The following RIPK2 variants were observed in gnomAD, a reference collection of about 807,000 sequenced individuals.
The protein encoded by RIPK2 is receptor interacting serine/threonine kinase 2.
In RIPK2, 38 loss-of-function variants were observed where a neutral mutation model predicts 60.9. The observed-to-expected ratio is 0.62, with a 90% CI of 0.48 to 0.82. The LOEUF is 0.82. Among genes scored for constraint, RIPK2 ranks in the 40% least tolerant of loss-of-function variants. The pLI is 0.00. For missense variants in RIPK2, 518 were observed against 647.0 expected, an observed-to-expected ratio of 0.80 and a Z score of 2.16; for synonymous variants, 225 against 223.4, an observed-to-expected ratio of 1.01 and a Z score of -0.06.
At chr8:89,761,495 T>TA (rs1809144246) in intron 1 of RIPK2, among the ~76,000 whole-genome samples, 2 of 152,172 alleles carry the variant, frequency 1.3e-5, no homozygotes, top group African/African-American at 4.8e-5. Flanking sequence ...TAACTGGTAT[T>TA]AAAATCTCCT....
At chr8:89,768,462 A>T (rs977247515) in intron 3 of RIPK2, among the ~76,000 whole-genome samples, 2 of 151,702 alleles carry the variant, frequency 1.3e-5, no homozygotes, top group African/African-American at 4.8e-5. Context: ...TGGCCATAAG[A>T]ACCTTCATCT....
At chr8:89,777,859 C>G (rs1809425001) in intron 6 of RIPK2, among the ~76,000 whole-genome samples, 1 of 151,424 alleles carries the variant, frequency 6.6e-6, no homozygotes, top group South Asian at 2.1e-4. Context: ...TGTTGAAAAG[C>G]AGATTCTGGG....
chr8:89,772,767 T>C lies in RIPK2; in HGVS notation c.792T>C (p.Arg264=). 1 of 1,612,176 alleles carries C rather than the reference T, an allele frequency of 6.2e-7. No individual in the cohort carries two copies. Among genetic ancestry groups the C allele is most frequent in the Non-Finnish European group, 8.5e-7 (1 of 1,178,766 alleles). The change falls in exon 6 of 11, where the codon CGT becomes CGC. Residue 264 remains arginine (R), a synonymous_variant. Coordinates refer to ENST00000220751, the MANE Select transcript of RIPK2 (RefSeq NM_003821.6). ...CATATGATATACCTCACCGAGCACG[T>C]ATGATCTCTCTAATAGAAAGTGGAT... ...SLPYDIPHRA[R]MISLIESGWA...
chr8:89,781,928 T>C (rs1328917934), intron 7 of RIPK2, among the ~76,000 whole-genome samples: 3 of 152,076 alleles, frequency 2.0e-5, no homozygotes, highest in African/African-American at 7.2e-5. Flanking sequence ...GTAGTAAGAG[T>C]TGACTTAATT....
Position 89,780,175 on chromosome 8 carries a change from G to C in RIPK2, c.939+15G>C. 1.6e-6 allele frequency: 2 copies of C among 1,282,568 alleles called. No homozygotes were observed. Among genetic ancestry groups the C allele is most frequent in the East Asian group, 2.4e-5 (1 of 42,078 alleles). 79.4% of individuals were successfully genotyped at this position (1,282,568 alleles called of 1,614,324 possible). A position where few individuals can be genotyped will look rare whatever the true frequency, so the allele number is the denominator to read the frequency against. ...AGAAAACAAAGGTAAGTTGCTAAAT[G>C]AAATGCTGGAAATTAGAAATTTAAA... On this transcript the variant is annotated intron_variant, in intron 7 of 10. Transcript: ENST00000220751.
chr8:89,783,835 A>G (rs1809539543), intron 7 of RIPK2, among the ~76,000 whole-genome samples: 1 of 152,148 alleles, frequency 6.6e-6, no homozygotes, highest in East Asian at 1.9e-4. Context: ...AAGGTAACCA[A>G]TTAATATGAG....
intron 9 of RIPK2, among the ~76,000 whole-genome samples, chr8:89,787,851 G>A: frequency 6.6e-6 from 1 of 152,102 alleles, no homozygotes. Flanking sequence ...GACTATTACT[G>A]TAGTACCCGT....
Position 89,758,143 on chromosome 8 carries a change from C to G in RIPK2, c.83C>G (p.Ala28Gly). 6.2e-7 allele frequency: 1 copy of G among 1,600,198 alleles called. No individual in the cohort carries two copies. The highest frequency in any genetic ancestry group is 8.5e-7 in the Non-Finnish European group (1 of 1,174,442). The change falls in exon 1 of 11, where the codon GCC becomes GGC. Residue 28 changes from alanine to glycine, a missense_variant. Ala to Gly is a moderately conservative substitution (Grantham distance 60). This residue lies in a region of RIPK2 where 448 missense variants were observed against 534.7 expected (regional missense o/e 0.84). Coordinates refer to ENST00000220751, the MANE Select transcript of RIPK2 (RefSeq NM_003821.6). The stretch of plus-strand genomic sequence containing the variant: ...GACCTGCGCTACCTGAGCCGCGGCG[C>G]CTCTGGCACTGTGTCGTCCGCCCGC... ...LADLRYLSRG[A>G]SGTVSSARHA...
At chr8:89,769,112 A>G (rs1054823260) in intron 3 of RIPK2, among the ~76,000 whole-genome samples, 1 of 151,920 alleles carries the variant, frequency 6.6e-6, no homozygotes, top group African/African-American at 2.4e-5. Flanking sequence ...CAACTGAAGC[A>G]AAACTGTACA....
chr8:89,763,737 T>TGTCA (rs1238450270), intron 2 of RIPK2, among the ~76,000 whole-genome samples: 1 of 152,172 alleles, frequency 6.6e-6, no homozygotes, highest in African/African-American at 2.4e-5. Context: ...TGGGTGCCAC[T>TGTCA]GTCAGTCAGT....
chr8:89,790,159 C>T lies in RIPK2; in HGVS notation c.1366C>T (p.Leu456Phe). 1 of 1,614,108 alleles carries T rather than the reference C, an allele frequency of 6.2e-7. No homozygotes were observed. The highest frequency in any genetic ancestry group is 8.5e-7 in the Non-Finnish European group (1 of 1,180,000). The change falls in exon 11 of 11, where the codon CTT becomes TTT. Residue 456 changes from leucine to phenylalanine, a missense_variant. By Grantham distance (22) the Leu-to-Phe change is conservative. Coordinates refer to ENST00000220751, the MANE Select transcript of RIPK2 (RefSeq NM_003821.6). ...DIVNQMTEAC[L>F]NQSLDALLSR... Reference sequence around the variant, plus strand: ...TGTGAACCAAATGACAGAAGCCTGCCTTAACCAGTCGCTAGATGCCCTTCT... The same window carrying T: ...TGTGAACCAAATGACAGAAGCCTGCTTTAACCAGTCGCTAGATGCCCTTCT...
At position 89,790,690 on chromosome 8, in the gene RIPK2, G is replaced by T; in HGVS notation, c.*274G>T. 3 of 272,890 alleles carry T rather than the reference G, an allele frequency of 1.1e-5. No individual in the cohort carries two copies. Among genetic ancestry groups the T allele is most frequent in the Non-Finnish European group, 2.1e-5 (3 of 144,430 alleles). The allele number at this position is 272,890 out of a possible 1,614,324, so 16.9% of individuals were successfully genotyped here. A position where few individuals can be genotyped will look rare whatever the true frequency, so the allele number is the denominator to read the frequency against. ...ATTCTTGTTTATAACAGTGCCTTAA[G>T]GTATGATGTATTTCTGATGGAAGCC... On this transcript the variant is annotated 3_prime_UTR_variant, in exon 11 of 11. Transcript: ENST00000220751.
intron 4 of RIPK2, among the ~76,000 whole-genome samples, chr8:89,770,973 A>G (rs1483012735): frequency 6.6e-6 from 1 of 151,850 alleles, no homozygotes; most frequent in Non-Finnish European, 1.5e-5. Flanking sequence ...TAGCTTCCTA[A>G]GGTAGAGATC....
intron 9 of RIPK2, among the ~76,000 whole-genome samples, chr8:89,788,667 C>T (rs1267008393): frequency 6.6e-6 from 1 of 152,062 alleles, no homozygotes; most frequent in Non-Finnish European, 1.5e-5. Flanking sequence ...ATCCCAGCTA[C>T]TTAAGAGGCT....
intron 7 of RIPK2, among the ~76,000 whole-genome samples, chr8:89,782,451 C>T (rs967331439): frequency 1.3e-5 from 2 of 152,138 alleles, no homozygotes; most frequent in African/African-American, 4.8e-5. Context: ...ATGTACATCT[C>T]ACACAGTAAG....
In RIPK2 at chr8:89,758,020, A is replaced by C; in HGVS notation, c.-41A>C. ...GCGTGGGAGCCTTGGGAGCCGCCGC[A>C]GCAGGGGGCACACCCGGAACCGGCC... is the stretch of plus-strand genomic sequence containing the variant. On this transcript the variant is annotated 5_prime_UTR_variant, in exon 1 of 11. Transcript: ENST00000220751. 6.6e-7 allele frequency: 1 copy of C among 1,510,228 alleles called. No individual in the cohort carries two copies. The allele number at this position is 1,510,228 out of a possible 1,614,324, so 93.6% of individuals were successfully genotyped here.
At chr8:89,789,506 T>C (rs894520770) in intron 10 of RIPK2, 24 bp downstream of exon 10, 2 of 1,602,148 alleles carry the variant, frequency 1.2e-6, no homozygotes, top group South Asian at 2.2e-5. Context: ...GTGAAACACC[T>C]TGTAAGTGAT....
intron 9 of RIPK2, among the ~76,000 whole-genome samples, chr8:89,789,078 A>G (rs907295884): frequency 3.9e-5 from 6 of 152,226 alleles, no homozygotes; most frequent in Non-Finnish European, 7.3e-5. Flanking sequence ...GTAAAATTCT[A>G]TGATTTATAA....
chr8:89,784,483 C>G (rs1809553355), intron 8 of RIPK2, among the ~76,000 whole-genome samples: 1 of 152,140 alleles, frequency 6.6e-6, no homozygotes, highest in African/African-American at 2.4e-5. Flanking sequence ...GTTCTTACCT[C>G]TTATAATAAT....
Sources: allele counts gnomAD v4.1 joint callset (sites outside exome capture counted in the v4.1 genomes callset), GRCh38; gene constraint gnomAD v4.1.1; regional missense constraint gnomAD v4.1.1; transcripts MANE v1.5; gene names NCBI Gene and HGNC (gene_info 2026-07-23, HGNC 2026-07-21).